Variants in ATG7 observed in about 807,000 individuals in gnomAD.
ATG7 encodes the protein autophagy related 7, also known as ubiquitin-like modifier-activating enzyme ATG7.
Under a neutral mutation model 82.4 loss-of-function variants are expected in ATG7, and 70 were observed. That is an observed-to-expected ratio of 0.85 (90% confidence interval 0.70 to 1.04). The LOEUF is 1.04. Among genes scored for constraint, ATG7 ranks in the 50% least tolerant of loss-of-function variants. The pLI is 0.00. For missense variants in ATG7, 792 were observed against 864.3 expected (o/e 0.92, Z 1.05); for synonymous variants, 287 against 313.0 (o/e 0.92, Z 0.88).
chr3:11,512,572 T>TTAACAGTTC (rs1401398961), intron 20 of ATG7, among the ~76,000 whole-genome samples: 2 of 152,216 alleles, frequency 1.3e-5, no homozygotes, highest in Admixed American at 6.5e-5. Context: ...GCAGTGAGTG[T>TTAACAGTTC]TAACAGTTCT....
intron 19 of ATG7, among the ~76,000 whole-genome samples, chr3:11,383,452 G>A (rs1276279038): frequency 1.3e-5 from 2 of 152,054 alleles, no homozygotes; most frequent in Admixed American, 6.6e-5. Context: ...TTTCGGTGAT[G>A]CTAGTTTTCC....
At chr3:11,567,153 C>G in the ATG7 span, among the ~76,000 whole-genome samples, 1 of 152,164 alleles carries the variant, frequency 6.6e-6, no homozygotes, top group Non-Finnish European at 1.5e-5. Flanking sequence ...ACGCGCTCAG[C>G]TTAGTGACCC....
intron 5 of ATG7, among the ~76,000 whole-genome samples, chr3:11,301,603 C>G (rs936454281): frequency 3.3e-5 from 5 of 152,158 alleles, no homozygotes; most frequent in Non-Finnish European, 7.3e-5. Flanking sequence ...AGCTTTCTTG[C>G]TCCATCGTAA....
intron 20 of ATG7, among the ~76,000 whole-genome samples, chr3:11,507,963 C>CA (rs1559772136): frequency 1.2e-4 from 17 of 142,330 alleles, no homozygotes; most frequent in African/African-American, 2.9e-4. Context: ...AAAAAAAAAA[C>CA]AAAAAAACAA....
intron 20 of ATG7, among the ~76,000 whole-genome samples, chr3:11,513,584 A>G (rs1327884462): frequency 6.6e-6 from 1 of 152,136 alleles, no homozygotes; most frequent in East Asian, 1.9e-4. Flanking sequence ...CAGCTGGCCC[A>G]CAAGTGTGGC....
At chr3:11,567,343 G>T in the ATG7 span, among the ~76,000 whole-genome samples, 3 of 152,108 alleles carry the variant, frequency 2.0e-5, no homozygotes, top group Non-Finnish European at 4.4e-5. Flanking sequence ...TGATTATAGG[G>T]TGATTAGCTG....
rs1559709207 is a variant in ATG7 at position 11,479,000 on chromosome 3, ACAC to A, written c.2079+52075_2079+52077del. On this transcript the variant is annotated intron_variant, in intron 20 of 20. Coordinates refer to ENST00000693202, the MANE Select transcript of ATG7 (RefSeq NM_001349232.2). ...GCCTGTATATTTACAACACACACAC[ACAC>A]ACACACACACACACACACACACACA... 2.2e-3 allele frequency among the ~76,000 whole-genome samples: 334 copies of A among 150,452 alleles called. 5 individuals carry two copies. The highest frequency in any genetic ancestry group is 9.0e-3 in the South Asian group (42 of 4,680).
intron 20 of ATG7, among the ~76,000 whole-genome samples, chr3:11,448,231 G>A (rs2084767360): frequency 6.6e-6 from 1 of 152,220 alleles, no homozygotes; most frequent in African/African-American, 2.4e-5. Context: ...CTTTCTCTGA[G>A]ATTGGAGCAC....
At chr3:11,447,544 G>A (rs1302834562) in intron 20 of ATG7, among the ~76,000 whole-genome samples, 1 of 152,068 alleles carries the variant, frequency 6.6e-6, no homozygotes, top group Non-Finnish European at 1.5e-5. Context: ...ACTCTAGATG[G>A]GGGCATTTAG....
Position 11,295,992 on chromosome 3 carries a change from G to T in ATG7, c.-10-2694G>T, listed in dbSNP as rs940512017. Among the ~76,000 whole-genome samples, 3 of 151,980 alleles carry T rather than the reference G, an allele frequency of 2.0e-5. No individual in the cohort carries two copies. In the East Asian group the frequency reaches 5.8e-4, roughly 29 times the overall value. ...GGGGTTTCACCATTTTGGTCAGGCT[G>T]GTCTCAAACTCCTGACCTCAGGTGA... On this transcript the variant is annotated intron_variant, in intron 3 of 20. Transcript: ENST00000693202.
At chr3:11,516,314 T>C (rs1473989953) in intron 20 of ATG7, among the ~76,000 whole-genome samples, 10 of 151,938 alleles carry the variant, frequency 6.6e-5, no homozygotes, top group Admixed American at 5.9e-4. Flanking sequence ...TGTGCACATG[T>C]ACCCTAAAAC....
chr3:11,460,523 A>G (rs2086204742), intron 20 of ATG7, among the ~76,000 whole-genome samples: 1 of 152,200 alleles, frequency 6.6e-6, no homozygotes, highest in Admixed American at 6.5e-5. Flanking sequence ...CTAGTTCAAG[A>G]TGAGGGCTTG....
rs2076227352 is a variant in ATG7 at position 11,360,647 on chromosome 3, A to G, written c.1546A>G (p.Lys516Glu). 6.2e-7 allele frequency: 1 copy of G among 1,614,074 alleles called. No individual in the cohort carries two copies. The change falls in exon 16 of 21, where the codon AAG (lysine) becomes GAG (glutamate). Residue 516 changes from lysine (K) to glutamate (E), a missense_variant. Lys to Glu is a moderately conservative substitution (Grantham distance 56). Transcript: ENST00000693202. The stretch of plus-strand genomic sequence containing the variant: ...CATGAGACATGGTCTGAAGAAACCA[A>G]AGCAGCAAGGAGCTGGGGACTTGTG... Reference protein sequence around the residue: ...VVMRHGLKKPKQQGAGDLCPN... With the variant: ...VVMRHGLKKPEQQGAGDLCPN...
chr3:11,545,669 C>G lies in ATG7; in HGVS notation c.2080-9142C>G, dbSNP rs1024485745. Among the ~76,000 whole-genome samples, 13 of 148,034 alleles carry G rather than the reference C, an allele frequency of 8.8e-5. No individual in the cohort carries two copies. The East Asian group carries it at 1.4e-3, about 15-fold the overall frequency. On this transcript the variant is annotated intron_variant, in intron 20 of 20. Transcript: ENST00000693202. Reference sequence around the variant, plus strand: ...GGGGCTGTGCTTGGGCTCCGTGTCCCGAGCAGCCCTGCCAGGCCTAGCTCT... The same window carrying G: ...GGGGCTGTGCTTGGGCTCCGTGTCCGGAGCAGCCCTGCCAGGCCTAGCTCT...
chr3:11,359,950 C>A (rs1383827731), intron 15 of ATG7, among the ~76,000 whole-genome samples: 1 of 150,132 alleles, frequency 6.7e-6, no homozygotes, highest in Non-Finnish European at 1.5e-5. Flanking sequence ...CTACCTCTTG[C>A]CAGATAAGTG....
chr3:11,569,867 C>T, the ATG7 span, among the ~76,000 whole-genome samples: 3 of 152,144 alleles, frequency 2.0e-5, no homozygotes, highest in Admixed American at 2.0e-4. Flanking sequence ...GGTGACAGAG[C>T]AAGACCCTGT....
intron 19 of ATG7, among the ~76,000 whole-genome samples, chr3:11,423,837 C>G (rs2082143622): frequency 6.6e-6 from 1 of 152,150 alleles, no homozygotes; most frequent in African/African-American, 2.4e-5. Context: ...TGACCTTAAC[C>G]TTTTGATCCT....
chr3:11,564,001 A>G, the ATG7 span, among the ~76,000 whole-genome samples: 2 of 152,302 alleles, frequency 1.3e-5, no homozygotes, highest in Admixed American at 6.5e-5. Flanking sequence ...AGCTGAATGC[A>G]CAGAGCCCGG....
intron 18 of ATG7, among the ~76,000 whole-genome samples, chr3:11,374,758 G>A (rs949558253): frequency 2.0e-5 from 3 of 151,988 alleles, no homozygotes; most frequent in African/African-American, 7.3e-5. Flanking sequence ...CAAAAAATTA[G>A]CCAGGCGTGG....
Sources: allele counts gnomAD v4.1 joint callset (sites outside exome capture counted in the v4.1 genomes callset), GRCh38; gene constraint gnomAD v4.1.1; transcripts MANE v1.5; gene names NCBI Gene and HGNC (gene_info 2026-07-23, HGNC 2026-07-21).